The following SYT9 variants were observed in gnomAD, a reference collection of about 807,000 sequenced individuals.
SYT9 encodes synaptotagmin-9.
SYT9 carries 22 observed loss-of-function variants against 48.4 expected under a neutral mutation model. The observed-to-expected ratio is 0.45, with a 90% CI of 0.32 to 0.65. SYT9 has a LOEUF of 0.65. Ranked by LOEUF, SYT9 falls within the 30% of genes least tolerant of loss-of-function variation. SYT9 has a pLI of 0.03. For synonymous variants in SYT9, 265 were observed against 245.0 expected (o/e 1.08, Z -0.76); for missense variants, 577 against 622.0 (o/e 0.93, Z 0.77).
intron 1 of SYT9, among the ~76,000 whole-genome samples, chr11:7,245,422 C>CT (rs1040418927): frequency 3.9e-4 from 57 of 147,482 alleles, no homozygotes; most frequent in African/African-American, 8.4e-4. Context: ...TCTTTTCTCT[C>CT]TTTTTTTTTT....
At chr11:7,370,121 C>T (rs1850335809) in intron 3 of SYT9, among the ~76,000 whole-genome samples, 2 of 152,150 alleles carry the variant, frequency 1.3e-5, no homozygotes, top group Non-Finnish European at 2.9e-5. Flanking sequence ...CATAGCTTAG[C>T]TCCCACATAT....
chr11:7,242,311 G>A (rs945696810), intron 1 of SYT9, among the ~76,000 whole-genome samples: 2 of 152,186 alleles, frequency 1.3e-5, no homozygotes, highest in African/African-American at 4.8e-5. Flanking sequence ...TGTGAGCTCT[G>A]TGCTTTTCCC....
At chr11:7,261,239 T>A (rs1848072906) in intron 1 of SYT9, among the ~76,000 whole-genome samples, 1 of 152,194 alleles carries the variant, frequency 6.6e-6, no homozygotes, top group Non-Finnish European at 1.5e-5. Flanking sequence ...ATTGAAGACA[T>A]CTTAGTTTGT....
rs1847925492 is a variant in SYT9, at chr11:7,446,174, G to A, written c.1468-20618G>A. Among the ~76,000 whole-genome samples, 4 of 152,324 alleles carry A rather than the reference G, an allele frequency of 2.6e-5. No homozygotes were observed. In the South Asian group the frequency reaches 8.3e-4, roughly 32 times the overall value. The stretch of plus-strand genomic sequence containing the variant: ...CCGAGCCAAGGGCTGCAAAGGAAAT[G>A]AAAAGCTCCCAACTGCTGAAATCAT... On this transcript the variant is annotated intron_variant, in intron 6 of 6. Coordinates refer to ENST00000318881, the MANE Select transcript of SYT9 (RefSeq NM_175733.4).
chr11:7,416,893 C>G (rs35157849), intron 4 of SYT9, among the ~76,000 whole-genome samples: 4,179 of 152,186 alleles, frequency 0.027, 122 homozygotes, highest in East Asian at 0.16. Flanking sequence ...ATATCATCAT[C>G]CCAGGCTCAT....
intron 1 of SYT9, among the ~76,000 whole-genome samples, chr11:7,288,636 G>C: frequency 6.6e-6 from 1 of 150,558 alleles, no homozygotes; most frequent in East Asian, 1.9e-4. Flanking sequence ...ATTTTTTTTG[G>C]CTTTGCTGTC....
In SYT9 at chr11:7,419,303, G is replaced by A. The variant is rs568123173; in HGVS notation, c.1337+1175G>A. Reference sequence around the variant, plus strand: ...TCAGTAAACTCATGAATCTGGCCTGGAAAAATTCATGGCAGAATTCATGGG... The same window carrying A: ...TCAGTAAACTCATGAATCTGGCCTGAAAAAATTCATGGCAGAATTCATGGG... On this transcript the variant is annotated intron_variant, in intron 5 of 6. Transcript: ENST00000318881. 5.1e-4 allele frequency among the ~76,000 whole-genome samples: 77 copies of A among 152,288 alleles called. No individual in the cohort carries two copies. The South Asian group carries it at 8.3e-3, about 16-fold the overall frequency.
chr11:7,291,945 T>A (rs993385946), intron 1 of SYT9, among the ~76,000 whole-genome samples: 1 of 152,132 alleles, frequency 6.6e-6, no homozygotes, highest in Non-Finnish European at 1.5e-5. Flanking sequence ...TATTGCACCA[T>A]GCCTTGTGTA....
At chr11:7,396,883 T>C (rs1846765327) in intron 3 of SYT9, among the ~76,000 whole-genome samples, 1 of 152,216 alleles carries the variant, frequency 6.6e-6, no homozygotes, top group South Asian at 2.1e-4. Flanking sequence ...ATATGACTTC[T>C]ATATATTTAT....
intron 1 of SYT9, among the ~76,000 whole-genome samples, chr11:7,267,641 G>GA (rs796168954): frequency 3.5e-4 from 51 of 146,676 alleles, no homozygotes; most frequent in Middle Eastern, 3.5e-3. Context: ...TACAGCAATA[G>GA]AAAAAAAAAT....
At chr11:7,410,737 T>C (rs1296891306) in intron 3 of SYT9, among the ~76,000 whole-genome samples, 3 of 152,358 alleles carry the variant, frequency 2.0e-5, no homozygotes, top group South Asian at 2.1e-4. Flanking sequence ...TGTATATGTA[T>C]CTTGACAGGT....
intron 1 of SYT9, among the ~76,000 whole-genome samples, chr11:7,288,637 C>T (rs1348944921): frequency 6.6e-6 from 1 of 152,116 alleles, no homozygotes; most frequent in African/African-American, 2.4e-5. Flanking sequence ...TTTTTTTTGG[C>T]TTTGCTGTCT....
chr11:7,288,303 C>A (rs1004043617), intron 1 of SYT9, among the ~76,000 whole-genome samples: 6 of 127,068 alleles, frequency 4.7e-5, no homozygotes, highest in African/African-American at 1.2e-4. Flanking sequence ...AAAAAAAAAA[C>A]TCTTCATCTA....
intron 6 of SYT9, among the ~76,000 whole-genome samples, chr11:7,462,785 T>G (rs1848257769): frequency 6.6e-6 from 1 of 152,220 alleles, no homozygotes; most frequent in Non-Finnish European, 1.5e-5. Context: ...TTTGACAAGC[T>G]TCTTAGTTCA....
At chr11:7,244,064 C>T (rs532542822) in intron 1 of SYT9, among the ~76,000 whole-genome samples, 1 of 152,090 alleles carries the variant, frequency 6.6e-6, no homozygotes, top group South Asian at 2.1e-4. Context: ...AAACGATGAA[C>T]AAATGTAAAA....
chr11:7,322,812 C>G (rs1041096933), intron 3 of SYT9, among the ~76,000 whole-genome samples: 1 of 151,988 alleles, frequency 6.6e-6, no homozygotes, highest in African/African-American at 2.4e-5. Context: ...CCTCCAAATC[C>G]CCCTAAGAGA....
intron 6 of SYT9, chr11:7,440,996 A>T (rs943666080): frequency 1.3e-5 from 2 of 152,258 alleles, no homozygotes; most frequent in Non-Finnish European, 2.9e-5. Flanking sequence ...AGTGATTCAC[A>T]GGAGATAAGA....
intron 3 of SYT9, among the ~76,000 whole-genome samples, chr11:7,342,775 C>T (rs1419942870): frequency 6.6e-6 from 1 of 152,206 alleles, no homozygotes; most frequent in African/African-American, 2.4e-5. Flanking sequence ...ATTTCCCTTC[C>T]ACACTGCCCT....
intron 3 of SYT9, among the ~76,000 whole-genome samples, chr11:7,349,242 G>T (rs1217228666): frequency 6.6e-6 from 1 of 152,050 alleles, no homozygotes; most frequent in Non-Finnish European, 1.5e-5. Flanking sequence ...TAGTTGGGGT[G>T]ATGCCAGCAT....
Sources: gnomAD v4.1 joint callset for allele counts (sites outside exome capture counted in the v4.1 genomes callset) on GRCh38, gnomAD v4.1.1 for gene constraint, MANE v1.5 for transcripts, NCBI Gene and HGNC (gene_info 2026-07-23, HGNC 2026-07-21) for gene names.